Variants in INTS1 observed in about 807,000 individuals in gnomAD.
INTS1 encodes integrator complex subunit 1.
A neutral mutation model predicts 241.6 loss-of-function variants in INTS1; 137 were observed. That is an observed-to-expected ratio of 0.57 (90% confidence interval 0.49 to 0.65). The LOEUF is 0.65. Ranked by LOEUF, INTS1 falls within the 30% of genes least tolerant of loss-of-function variation. The pLI is 0.00. For missense variants in INTS1, 3,073 were observed against 3,032.2 expected, an observed-to-expected ratio of 1.01 and a Z score of -0.32; for synonymous variants, 1,692 against 1,337.8, an observed-to-expected ratio of 1.26 and a Z score of -5.78.
Position 1,486,685 on chromosome 7 carries a change from C to A in INTS1, c.2916G>T (p.Leu972=). The change falls in exon 22 of 48, where the codon CTG becomes CTT. Residue 972 remains leucine, a synonymous_variant. Coordinates refer to ENST00000404767, the MANE Select transcript of INTS1 (RefSeq NM_001080453.3). ...KADEQTTCEV[L]DYFLRRLGSS... is the part of the protein sequence containing the mutation. ...AGCCGAGGCGCCGCAAGAAGTAGTC[C>A]AGCACCTCACACGTGGTCTGCTCAT... 1 of 1,612,548 alleles carries A rather than the reference C, an allele frequency of 6.2e-7. No homozygotes were observed. The highest frequency in any genetic ancestry group is 8.5e-7 in the Non-Finnish European group (1 of 1,179,776).
At position 1,497,651 on chromosome 7, in the gene INTS1, C is replaced by G. The variant is rs1402171887; in HGVS notation, c.1426-337G>C. On this transcript the variant is annotated intron_variant, in intron 10 of 47. Transcript: ENST00000404767. This position sits in a 1 kb window ranked among gnomAD's most constrained non-coding sequence, Gnocchi z 5.3. ...GCCCACCCGTGCGCCACGGGCTGAA[C>G]GGAAACCAAAGGCCACCACCCAAGA... Among the ~76,000 whole-genome samples, 1 of 152,200 alleles carries G rather than the reference C, an allele frequency of 6.6e-6. No homozygotes were observed. The highest frequency in any genetic ancestry group is 6.5e-5 in the Admixed American group (1 of 15,282).
chr7:1,479,742 C>T (rs766007837), intron 30 of INTS1, 58 bp from the exon 31 acceptor site: 15 of 1,428,862 alleles, frequency 1.0e-5, no homozygotes, highest in Non-Finnish European at 1.3e-5. Flanking sequence ...AGGAGCGCAG[C>T]GGAGAGGCTA....
chr7:1,490,025 G>A (rs759091382), intron 16 of INTS1, among the ~76,000 whole-genome samples: 1 of 152,180 alleles, frequency 6.6e-6, no homozygotes, highest in Non-Finnish European at 1.5e-5. Flanking sequence ...TGGAATTATT[G>A]TAACGATACA....
Position 1,497,389 on chromosome 7 carries a change from A to C in INTS1, c.1426-75T>G, listed in dbSNP as rs1583156780. The C allele has an allele frequency of 6.7e-7, 1 of 1,490,324 alleles. No homozygotes were observed. Among genetic ancestry groups the C allele is most frequent in the Admixed American group, 2.1e-5 (1 of 47,428 alleles). The allele number at this position is 1,490,324 out of a possible 1,614,324, so 92.3% of individuals were successfully genotyped here. ...GTCACAGGCCCCTTCCCGCAGCACC[A>C]ACAGGTATGGCGCCCGAGGGCGCTG... On this transcript the variant is annotated intron_variant, in intron 10 of 47. Transcript: ENST00000404767. The surrounding 1 kb of genome is among the most constrained non-coding windows in gnomAD (Gnocchi z 5.3).
In INTS1 at chr7:1,485,377, C is replaced by G. The variant is rs1389688110; in HGVS notation, c.3069G>C (p.Leu1023=). 1 of 1,612,758 alleles carries G rather than the reference C, an allele frequency of 6.2e-7. No homozygotes were observed. ...MEEDVGDTDV[L]QGYQWLLRDL... is the part of the protein sequence containing the mutation. ...CCCGCAGCAGCCACTGATAGCCCTG[C>G]AGCACATCTGTGTCCCCCACATCCT... Residue 1023 remains leucine (L), a synonymous_variant, in exon 23 of 48, where the codon CTG becomes CTC. Coordinates refer to ENST00000404767, the MANE Select transcript of INTS1 (RefSeq NM_001080453.3).
At chr7:1,478,279 C>A in intron 33 of INTS1, 87 bp downstream of exon 33, 1 of 1,436,662 alleles carries the variant, frequency 7.0e-7, no homozygotes, top group Non-Finnish European at 9.6e-7. Flanking sequence ...AGACACTGTC[C>A]GTCCCCCACT....
Position 1,478,372 on chromosome 7 carries a change from T to C in INTS1, c.4624A>G (p.Ser1542Gly), listed in dbSNP as rs1173409741. 6 of 1,612,288 alleles carry C rather than the reference T, an allele frequency of 3.7e-6. No individual in the cohort carries two copies. The Admixed American group carries it at 8.3e-5, about 22-fold the overall frequency. ...GATGGTGCCAGGAAGGTACCTTTGC[T>C]GATCAGGTCCGGCTCCACGCTGCAC... ...EQCSVEPDLI[S>G]KVLQGLIEVR... The change falls in exon 33 of 48, where the codon AGC (serine) becomes GGC (glycine). Residue 1542 changes from serine (S) to glycine (G), a missense_variant. Transcript: ENST00000404767.
Position 1,498,834 on chromosome 7 carries a change from C to T in INTS1, c.1156G>A (p.Asp386Asn), listed in dbSNP as rs755598922. Residue 386 changes from aspartate to asparagine, a missense_variant, in exon 9 of 48, where the codon GAC becomes AAC. Asp to Asn is a conservative substitution (Grantham distance 23). Coordinates refer to ENST00000404767, the MANE Select transcript of INTS1 (RefSeq NM_001080453.3). ...TTCATGCAGACGGACATCAGCAGGT[C>T]CTGGGCCGGCCGGGTCAGCTGCGGG... ...QNPKLTRPAQDLLMSVCMNCN... is the reference protein window; with the variant it reads ...QNPKLTRPAQNLLMSVCMNCN... 2 of 1,605,024 alleles carry T rather than the reference C, an allele frequency of 1.2e-6. No homozygotes were observed. Among genetic ancestry groups the T allele is most frequent in the South Asian group, 2.3e-5 (2 of 88,842 alleles).
intron 16 of INTS1, 45 bp downstream of exon 16, chr7:1,492,958 AGCGGGGC>A (rs1468894649): frequency 1.4e-6 from 2 of 1,392,430 alleles, no homozygotes; most frequent in African/African-American, 2.9e-5. Flanking sequence ...GGGAGTGGGG[AGCGGGGC>A]GCGGGCTTAC....
rs1192631081 is a variant in INTS1, at chr7:1,493,928, G to A, written c.1911-17C>T. The A allele has an allele frequency of 1.3e-6, 2 of 1,550,730 alleles. No individual in the cohort carries two copies. The highest frequency in any genetic ancestry group is 1.7e-6 in the Non-Finnish European group (2 of 1,146,640). On this transcript the variant is annotated splice_polypyrimidine_tract_variant and intron_variant, in intron 14 of 47. Transcript: ENST00000404767. This position sits in a 1 kb window ranked among gnomAD's most constrained non-coding sequence, Gnocchi z 5.3. ...AGGAAGAAGCTGCGGGGTGGGGGAG[G>A]CATGACTCGGTGTGGGCTGCCCACA...
At chr7:1,492,745 G>C (rs1039690729) in intron 16 of INTS1, among the ~76,000 whole-genome samples, 5 of 152,242 alleles carry the variant, frequency 3.3e-5, no homozygotes, top group African/African-American at 1.2e-4. Flanking sequence ...GTTGGACTCG[G>C]GCCGAGCCAG....
At chr7:1,476,498 T>C in intron 37 of INTS1, 43 bp from the exon 38 acceptor site, 1 of 1,599,086 alleles carries the variant, frequency 6.3e-7, no homozygotes, top group Non-Finnish European at 8.5e-7. Context: ...CCACCGCCTC[T>C]CCCGGATGGG....
intron 40 of INTS1, 107 bp downstream of exon 40, chr7:1,474,597 CT>C: frequency 2.3e-5 from 33 of 1,407,872 alleles, no homozygotes; most frequent in South Asian, 4.2e-5. Flanking sequence ...TGGGAACATG[CT>C]TTTTTTTGTT....
At position 1,481,671 on chromosome 7, in the gene INTS1, C is replaced by T. The variant is rs1414431853; in HGVS notation, c.3704-183G>A. On this transcript the variant is annotated intron_variant, in intron 27 of 47. Coordinates refer to ENST00000404767, the MANE Select transcript of INTS1 (RefSeq NM_001080453.3). This position sits in a 1 kb window ranked among gnomAD's most constrained non-coding sequence, Gnocchi z 6.8. ...CACACTCGGCAGCCCCACCTGAGAC[C>T]CTGGGCCACGTGGGCTCGGTGACCC... Among the ~76,000 whole-genome samples the T allele has an allele frequency of 6.7e-6, 1 of 148,924 alleles. No individual in the cohort carries two copies. Among genetic ancestry groups the T allele is most frequent in the Non-Finnish European group, 1.5e-5 (1 of 67,000 alleles).
Position 1,498,470 on chromosome 7 carries a change from G to A in INTS1, c.1367C>T (p.Pro456Leu), listed in dbSNP as rs569139467. The change falls in exon 10 of 48, where the codon CCG (proline) becomes CTG (leucine). Residue 456 changes from proline (P) to leucine (L), a missense_variant. Coordinates refer to ENST00000404767, the MANE Select transcript of INTS1 (RefSeq NM_001080453.3). ...GGTATAGAGGACCTGCATGTTGTTC[G>A]GGTTCCGGGCGCTGGAGAGCTCATT... ...IFNELSSARN[P>L]NNMQVLYTAL... 8 of 1,613,784 alleles carry A rather than the reference G, an allele frequency of 5.0e-6. No homozygotes were observed. In the African/African-American group the frequency reaches 5.3e-5, roughly 11 times the overall value.
At chr7:1,484,416 G>A (rs1238106662) in intron 24 of INTS1, among the ~76,000 whole-genome samples, 3 of 152,192 alleles carry the variant, frequency 2.0e-5, no homozygotes, top group Non-Finnish European at 4.4e-5. Context: ...GGACGCTGCT[G>A]CCCTCTGCCC....
chr7:1,472,511 G>A lies in INTS1; in HGVS notation c.6071-125C>T, dbSNP rs1192851386. Reference sequence around the variant, plus strand: ...CAGGCTCCCAAGGTGCCTGCACACAGCAGCGCTCCACAAATGGGGTGGAGC... The same window carrying A: ...CAGGCTCCCAAGGTGCCTGCACACAACAGCGCTCCACAAATGGGGTGGAGC... On this transcript the variant is annotated intron_variant, in intron 43 of 47. Coordinates refer to ENST00000404767, the MANE Select transcript of INTS1 (RefSeq NM_001080453.3). The A allele has an allele frequency of 9.4e-6, 6 of 638,576 alleles. No individual in the cohort carries two copies. The South Asian group carries it at 9.8e-5, about 10-fold the overall frequency. 39.6% of individuals were successfully genotyped at this position (638,576 alleles called of 1,614,324 possible).
chr7:1,494,631 G>GC, intron 14 of INTS1, 185 bp downstream of exon 14: 1 of 654,958 alleles, frequency 1.5e-6, no homozygotes, highest in African/African-American at 1.8e-5. Context: ...CTACAGTGGC[G>GC]CTGGGACGCC....
At chr7:1,478,270 G>A (rs1347658087) in intron 33 of INTS1, 96 bp downstream of exon 33, 22 of 1,366,884 alleles carry the variant, frequency 1.6e-5, no homozygotes, top group Non-Finnish European at 2.2e-5. Flanking sequence ...GTGCTGAGCA[G>A]ACACTGTCCG....
Sources: allele counts gnomAD v4.1 joint callset (sites outside exome capture counted in the v4.1 genomes callset), GRCh38; gene constraint gnomAD v4.1.1; non-coding constraint Gnocchi (gnomAD v3.1); transcripts MANE v1.5; gene names NCBI Gene and HGNC (gene_info 2026-07-23, HGNC 2026-07-21).